The following COL4A4 variants were observed in gnomAD, a reference collection of about 807,000 sequenced individuals.
COL4A4 encodes the protein collagen type IV alpha 4 chain.
In COL4A4, 105 loss-of-function variants were observed where a neutral mutation model predicts 192.9. The observed-to-expected ratio is 0.54, with a 90% CI of 0.46 to 0.64. COL4A4 has a LOEUF of 0.64. COL4A4 is among the 30% of genes least tolerant of loss of function. The probability of loss-of-function intolerance (pLI) is 0.00; values close to 1 mark genes in which losing one functional copy is unlikely to be tolerated. For synonymous variants in COL4A4, 762 were observed against 769.9 expected (o/e 0.99, Z 0.17); for missense variants, 1,967 against 2,169.3 (o/e 0.91, Z 1.85).
In COL4A4 at chr2:227,056,031, C is replaced by T. The variant is rs150979437; in HGVS notation, c.2630G>A (p.Arg877Gln). The T allele has an allele frequency of 2.8e-3, 4,496 of 1,613,816 alleles. 14 individuals carry two copies. The highest frequency in any genetic ancestry group is 0.012 in the East Asian group (560 of 44,850). ...GMKGLPGLPG[R>Q]PGAHGPPGLP... ...GCCTGGGGGACCATGTGCCCCAGGC[C>T]GTCCTGGGAGTCCGGGGAGGCCTTT... Residue 877 changes from arginine (R) to glutamine (Q), a missense_variant, in exon 30 of 48, where the codon CGG becomes CAG. Coordinates refer to ENST00000396625, the MANE Select transcript of COL4A4 (RefSeq NM_000092.5).
intron 4 of COL4A4, among the ~76,000 whole-genome samples, chr2:227,122,428 T>C (rs1427177190): frequency 6.6e-6 from 1 of 152,246 alleles, no homozygotes; most frequent in East Asian, 1.9e-4. Context: ...TCTTGATGTA[T>C]GGACAGAAAA....
intron 40 of COL4A4, 142 bp downstream of exon 40, chr2:227,031,803 G>A: frequency 1.4e-6 from 1 of 720,824 alleles, no homozygotes; most frequent in East Asian, 2.7e-5. Flanking sequence ...CACCCTAACT[G>A]TGTCCCACTT....
intron 22 of COL4A4, among the ~76,000 whole-genome samples, chr2:227,088,141 GT>G (rs2059701613): frequency 6.6e-6 from 1 of 152,182 alleles, no homozygotes; most frequent in Non-Finnish European, 1.5e-5. Flanking sequence ...TAAATAAACT[GT>G]TTTTGCAGGC....
intron 37 of COL4A4, among the ~76,000 whole-genome samples, chr2:227,035,181 A>G (rs1969359790): frequency 6.6e-6 from 1 of 152,160 alleles, no homozygotes; most frequent in Non-Finnish European, 1.5e-5. Flanking sequence ...GATGTGTTCA[A>G]TAAATGTTTG....
Position 227,114,636 on chromosome 2 carries a change from C to T in COL4A4, c.550G>A (p.Gly184Ser), listed in dbSNP as rs1232924793. The stretch of plus-strand genomic sequence containing the variant: ...ATGATCATAATACTTACCTGAATAC[C>T]TTTAACGGCACCTAAAATGAACACT... ...NSVFILGAVK[G>S]IQGDRGDPGL... The change falls in exon 8 of 48, where the codon GGT becomes AGT. Residue 184 changes from glycine to serine, a missense_variant. By Grantham distance (56) the Gly-to-Ser change is moderately conservative. Coordinates refer to ENST00000396625, the MANE Select transcript of COL4A4 (RefSeq NM_000092.5). 1.2e-6 allele frequency: 2 copies of T among 1,613,836 alleles called. No individual in the cohort carries two copies. Among genetic ancestry groups the T allele is most frequent in the Admixed American group, 1.7e-5 (1 of 59,986 alleles).
chr2:227,054,915 G>A (rs954461384), intron 30 of COL4A4, among the ~76,000 whole-genome samples, 178 bp from the exon 31 acceptor site: 6 of 152,062 alleles, frequency 3.9e-5, no homozygotes, highest in Non-Finnish European at 5.9e-5. Flanking sequence ...TCAGCCTCCC[G>A]AGTAGCTGGG....
chr2:227,143,572 T>G (rs1254160743), intron 3 of COL4A4, among the ~76,000 whole-genome samples: 1 of 152,206 alleles, frequency 6.6e-6, no homozygotes, highest in Non-Finnish European at 1.5e-5. Context: ...TTTACTTGTA[T>G]GCAATATTTT....
the COL4A4 span, among the ~76,000 whole-genome samples, chr2:226,995,194 T>G: frequency 6.6e-6 from 1 of 152,178 alleles, no homozygotes; most frequent in East Asian, 1.9e-4. Context: ...GTGGGAAGAT[T>G]ATCAAGAAGC....
rs781023890 is a variant in COL4A4, at chr2:227,047,494, T to G, written c.3270A>C (p.Pro1090=). ...CTATACCTGGACATCCAGGGCTACC[T>G]GGCTCACCCTTTGGACCAGGTGGAC... The part of the protein sequence containing the change: ...HFGPPGPKGE[P]GSPGCPGHFG... Residue 1090 remains proline (P), a synonymous_variant, in exon 35 of 48, where the codon CCA becomes CCC. Transcript: ENST00000396625. The G allele has an allele frequency of 5.0e-6, 8 of 1,613,722 alleles. No individual in the cohort carries two copies. In the Admixed American group the frequency reaches 6.7e-5, roughly 13 times the overall value.
At chr2:227,102,018 G>T in intron 15 of COL4A4, 109 bp from the exon 16 acceptor site, 1 of 747,318 alleles carries the variant, frequency 1.3e-6, no homozygotes, top group Non-Finnish European at 2.2e-6. Flanking sequence ...ATTTGGTCCT[G>T]TTTGCAAAGC....
the COL4A4 span, among the ~76,000 whole-genome samples, chr2:226,982,759 T>TAGC: frequency 6.6e-6 from 1 of 152,220 alleles, no homozygotes; most frequent in Non-Finnish European, 1.5e-5. Context: ...AGCTTGTTCT[T>TAGC]TCATTCATTC....
rs773010701 is a variant in COL4A4 at position 227,111,704 on chromosome 2, C to A, written c.568G>T (p.Gly190Trp). ...GGTAAGCCAGGCAGTCCTGGGTCCC[C>A]TCTGTCTCCCTGCAAAAATAAGAAT... ...GAVKGIQGDR[G>W]DPGLPGLPGS... Residue 190 changes from glycine (G) to tryptophan (W), a missense_variant, in exon 9 of 48, where the codon GGG (glycine) becomes TGG (tryptophan). Coordinates refer to ENST00000396625, the MANE Select transcript of COL4A4 (RefSeq NM_000092.5). 1.2e-6 allele frequency: 2 copies of A among 1,613,974 alleles called. No homozygotes were observed. The highest frequency in any genetic ancestry group is 2.7e-5 in the African/African-American group (2 of 74,932).
At chr2:226,995,585 AG>A in the COL4A4 span, 5 of 1,105,874 alleles carry the variant, frequency 4.5e-6, no homozygotes, top group South Asian at 5.2e-5. Flanking sequence ...TCATTCCCCA[AG>A]CCCCTAATTC....
At chr2:227,133,220 T>C (rs1244805723) in intron 4 of COL4A4, among the ~76,000 whole-genome samples, 1 of 152,220 alleles carries the variant, frequency 6.6e-6, no homozygotes, top group Non-Finnish European at 1.5e-5. Context: ...ACTGACAAGT[T>C]AATGAGGTGA....
intron 1 of COL4A4, among the ~76,000 whole-genome samples, chr2:227,158,988 C>G (rs568885767): frequency 6.6e-6 from 1 of 152,206 alleles, no homozygotes; most frequent in South Asian, 2.1e-4. Context: ...AAAATGCATG[C>G]CCACAAAAAG....
chr2:227,069,560 C>T lies in COL4A4; in HGVS notation c.1988-6962G>A, dbSNP rs549691599. Among the ~76,000 whole-genome samples the T allele has an allele frequency of 1.3e-3, 191 of 151,762 alleles. 2 individuals are homozygous for T. The highest frequency in any genetic ancestry group is 4.9e-3 in the Admixed American group (75 of 15,244). ...AACAGAACAGAGCCCTCAGAAATAA[C>T]GCCGCATATCTACAACTATCTGGTC... On this transcript the variant is annotated intron_variant, in intron 25 of 47. Transcript: ENST00000396625.
intron 42 of COL4A4, among the ~76,000 whole-genome samples, chr2:227,026,970 G>A (rs984648012): frequency 6.6e-6 from 1 of 152,140 alleles, no homozygotes; most frequent in Admixed American, 6.5e-5. Context: ...AACAGTCTAT[G>A]TGGGCCAAGC....
intron 4 of COL4A4, among the ~76,000 whole-genome samples, chr2:227,136,413 T>C (rs1166684346): frequency 1.3e-5 from 2 of 152,094 alleles, no homozygotes; most frequent in Admixed American, 6.5e-5. Context: ...GAAGTGGAAA[T>C]ATTCAGATTA....
intron 1 of COL4A4, among the ~76,000 whole-genome samples, chr2:227,160,635 G>A (rs1478269250): frequency 1.3e-5 from 2 of 152,170 alleles, no homozygotes; most frequent in Non-Finnish European, 2.9e-5. Context: ...CTCTGGACTG[G>A]GGGGATTGTT....
Sources: allele counts gnomAD v4.1 joint callset (sites outside exome capture counted in the v4.1 genomes callset), GRCh38; gene constraint gnomAD v4.1.1; transcripts MANE v1.5; gene names NCBI Gene and HGNC (gene_info 2026-07-23, HGNC 2026-07-21).